The following PPP1R16B variants were observed in gnomAD, a reference collection of about 807,000 sequenced individuals.
PPP1R16B encodes the protein protein phosphatase 1 regulatory inhibitor subunit 16B.
PPP1R16B carries 14 observed loss-of-function variants against 61.7 expected under a neutral mutation model. The observed-to-expected ratio is 0.23, with a 90% confidence interval of 0.15 to 0.35. The LOEUF (loss-of-function observed/expected upper bound fraction) is 0.35. Among genes scored for constraint, PPP1R16B ranks in the 10% least tolerant of loss-of-function variants. The pLI is 1.00. For synonymous variants in PPP1R16B, 266 were observed against 305.3 expected, an observed-to-expected ratio of 0.87 and a Z score of 1.34; for missense variants, 547 against 752.5, an observed-to-expected ratio of 0.73 and a Z score of 3.19.
At chr20:38,809,422 T>C (rs749823592) in intron 1 of PPP1R16B, among the ~76,000 whole-genome samples, 9 of 152,118 alleles carry the variant, frequency 5.9e-5, no homozygotes, top group Non-Finnish European at 1.3e-4. Context: ...GATTTCAAGA[T>C]GAATGAGGCA....
At chr20:38,888,902 C>A (rs899313699) in intron 2 of PPP1R16B, among the ~76,000 whole-genome samples, 1 of 151,250 alleles carries the variant, frequency 6.6e-6, no homozygotes, top group African/African-American at 2.4e-5. Context: ...CACACACACA[C>A]ACACACACAC....
At chr20:38,812,081 A>G (rs571149705) in intron 1 of PPP1R16B, among the ~76,000 whole-genome samples, 1 of 152,334 alleles carries the variant, frequency 6.6e-6, no homozygotes, top group African/African-American at 2.4e-5. Context: ...TTGAATAGGC[A>G]GAAGAGATTT....
chr20:38,879,368 A>T (rs1212329101), intron 2 of PPP1R16B, among the ~76,000 whole-genome samples: 1 of 152,122 alleles, frequency 6.6e-6, no homozygotes, highest in African/African-American at 2.4e-5. Context: ...GCTGAGTTAA[A>T]TGCAGTTCTC....
intron 2 of PPP1R16B, among the ~76,000 whole-genome samples, chr20:38,866,364 C>G (rs1217740041): frequency 6.6e-6 from 1 of 152,154 alleles, no homozygotes; most frequent in Non-Finnish European, 1.5e-5. Flanking sequence ...GACTTGATTT[C>G]TCTGAGTCTC....
rs2084807124 is a variant in PPP1R16B, at chr20:38,826,664, G to T, written c.-101-9161G>T. ...TGGGCCTTGCAAGTTGTGTAGCCTG[G>T]TGGTTACCAAATGCTGGGTGCAGAT... On this transcript the variant is annotated intron_variant, in intron 1 of 10. Coordinates refer to ENST00000299824, the MANE Select transcript of PPP1R16B (RefSeq NM_015568.4). 1.3e-5 allele frequency among the ~76,000 whole-genome samples: 2 copies of T among 152,192 alleles called. 1 individual carries two copies. Among genetic ancestry groups the T allele is most frequent in the Admixed American group, 1.3e-4 (2 of 15,282 alleles).
At position 38,807,713 on chromosome 20, in the gene PPP1R16B, G is replaced by A. The variant is rs115210688; in HGVS notation, c.-102+1921G>A. Among the ~76,000 whole-genome samples the A allele has an allele frequency of 7.7e-3, 1,171 of 152,244 alleles. 18 individuals are homozygous for A. Among genetic ancestry groups the A allele is most frequent in the African/African-American group, 0.027 (1,107 of 41,532 alleles). The stretch of plus-strand genomic sequence containing the variant: ...GGCAAGATGTCAACCAGGCCACCCT[G>A]GACTGTCAACTCTGTGCCTACTTGT... On this transcript the variant is annotated intron_variant, in intron 1 of 10. Transcript: ENST00000299824.
chr20:38,869,155 AT>A (rs11435986), intron 2 of PPP1R16B, among the ~76,000 whole-genome samples: 3 of 150,520 alleles, frequency 2.0e-5, no homozygotes, highest in African/African-American at 7.3e-5. Context: ...TAGCCATTTT[AT>A]TTTTTTTTAT....
intron 2 of PPP1R16B, among the ~76,000 whole-genome samples, chr20:38,878,417 C>T (rs1422564894): frequency 6.6e-6 from 1 of 152,118 alleles, no homozygotes; most frequent in East Asian, 1.9e-4. Flanking sequence ...AAGGAACTTC[C>T]CCCTTCATAC....
intron 2 of PPP1R16B, among the ~76,000 whole-genome samples, chr20:38,857,629 T>C (rs1052993308): frequency 2.9e-4 from 44 of 152,222 alleles, no homozygotes; most frequent in African/African-American, 1.0e-3. Flanking sequence ...ACACCATCTT[T>C]GTCTCTGCAG....
intron 2 of PPP1R16B, 54 bp downstream of exon 2, chr20:38,836,229 G>T (rs1035183833): frequency 3.3e-5 from 51 of 1,565,774 alleles, no homozygotes; most frequent in Non-Finnish European, 4.3e-5. Context: ...TCTGATCAGG[G>T]TTTGGAATCC....
chr20:38,909,726 C>T (rs943782685), intron 10 of PPP1R16B, among the ~76,000 whole-genome samples: 3 of 152,212 alleles, frequency 2.0e-5, no homozygotes, highest in Non-Finnish European at 2.9e-5. Context: ...AGTGGGGTCA[C>T]CTACTGCCTG....
chr20:38,814,346 G>C (rs1411187352), intron 1 of PPP1R16B, among the ~76,000 whole-genome samples: 1 of 152,086 alleles, frequency 6.6e-6, no homozygotes, highest in Non-Finnish European at 1.5e-5. Flanking sequence ...TTCCTTCAGA[G>C]GGGGGAAGGC....
chr20:38,910,601 C>T (rs2145782528), intron 10 of PPP1R16B, among the ~76,000 whole-genome samples: 1 of 150,028 alleles, frequency 6.7e-6, no homozygotes, highest in East Asian at 2.0e-4. Flanking sequence ...TGGTGTGATC[C>T]TAGCTCACTG....
At chr20:38,840,487 G>T (rs763200112) in intron 2 of PPP1R16B, among the ~76,000 whole-genome samples, 1 of 152,006 alleles carries the variant, frequency 6.6e-6, no homozygotes, top group East Asian at 1.9e-4. Context: ...CCCAGGCGAC[G>T]CCAGCTCCAC....
At chr20:38,911,720 A>G (rs1275508518) in intron 10 of PPP1R16B, among the ~76,000 whole-genome samples, 2 of 151,826 alleles carry the variant, frequency 1.3e-5, no homozygotes, top group African/African-American at 2.4e-5. Context: ...TATTTTTAGT[A>G]GAGATGGGGT....
chr20:38,913,952 G>C (rs1372633738), intron 10 of PPP1R16B, among the ~76,000 whole-genome samples: 1 of 152,204 alleles, frequency 6.6e-6, no homozygotes, highest in Non-Finnish European at 1.5e-5. Context: ...AGCACTTTGA[G>C]AGGCCCAGGC....
chr20:38,853,739 C>A (rs1357656334), intron 2 of PPP1R16B, among the ~76,000 whole-genome samples: 1 of 152,196 alleles, frequency 6.6e-6, no homozygotes, highest in Non-Finnish European at 1.5e-5. Flanking sequence ...GGCAGTTCTT[C>A]TGCTGGTTCT....
chr20:38,918,469 GGCA>G lies in PPP1R16B; in HGVS notation c.1514_1516del (p.Ser505del). 1 of 1,613,908 alleles carries G rather than the reference GGCA, an allele frequency of 6.2e-7. No homozygotes were observed. The stretch of plus-strand genomic sequence containing the variant: ...CCACCCCTTCCTTAGCACACACCTG[GGCA>G]GCAGCATGGCCAGGACGGGCGAGAG... On this transcript the variant is annotated inframe_deletion, in exon 11 of 11. Transcript: ENST00000299824. The surrounding 1 kb of genome is among the most constrained non-coding windows in gnomAD (Gnocchi z 5.3).
Position 38,830,723 on chromosome 20 carries a change from G to A in PPP1R16B, c.-101-5102G>A, listed in dbSNP as rs2084831403. 3.9e-5 allele frequency among the ~76,000 whole-genome samples: 6 copies of A among 152,346 alleles called. No homozygotes were observed. In the South Asian group the frequency reaches 1.2e-3, roughly 32 times the overall value. On this transcript the variant is annotated intron_variant, in intron 1 of 10. Transcript: ENST00000299824. The stretch of plus-strand genomic sequence containing the variant: ...AAGTCTGAAAGATTAAAAGAGAAGT[G>A]AAAAGCCTATATACCCTGCTCTCTG...
Sources: gnomAD v4.1 joint callset for allele counts (sites outside exome capture counted in the v4.1 genomes callset) on GRCh38, gnomAD v4.1.1 for gene constraint, Gnocchi (gnomAD v3.1) non-coding constraint, MANE v1.5 for transcripts, NCBI Gene and HGNC (gene_info 2026-07-23, HGNC 2026-07-21) for gene names.